The following PLEKHG4B variants were observed in gnomAD, a reference collection of about 807,000 sequenced individuals.
PLEKHG4B encodes pleckstrin homology and RhoGEF domain containing G4B.
In PLEKHG4B, 111 loss-of-function variants were observed where a neutral mutation model predicts 121.3. The ratio of observed to expected loss-of-function variants is 0.92; its 90% CI spans 0.78 to 1.07. The LOEUF is 1.07. PLEKHG4B is among the 50% of genes least tolerant of loss of function. The pLI is 0.00. For missense variants in PLEKHG4B, 1,831 were observed against 1,757.8 expected (o/e 1.04, Z -0.74); for synonymous variants, 738 against 725.0 (o/e 1.02, Z -0.29).
At chr5:99,209 T>C (rs1202126058) in intron 1 of PLEKHG4B, among the ~76,000 whole-genome samples, 7 of 113,410 alleles carry the variant, frequency 6.2e-5, no homozygotes, top group African/African-American at 2.2e-4. Context: ...TATATATATA[T>C]ATATTTTGCG....
chr5:157,204 G>A lies in PLEKHG4B; in HGVS notation c.2487+293G>A, dbSNP rs1735813664. The A allele has an allele frequency of 2.3e-6, 1 of 430,582 alleles. No homozygotes were observed. The highest frequency in any genetic ancestry group is 2.0e-5 in the African/African-American group (1 of 49,552). The allele number at this position is 430,582 out of a possible 1,614,324, so 26.7% of individuals were successfully genotyped here. On this transcript the variant is annotated intron_variant, in intron 11 of 19. Transcript: ENST00000637938. This position sits in a 1 kb window ranked among gnomAD's most constrained non-coding sequence, Gnocchi z 4.6. ...TCTGATGCTACCAGTGTGAATAGCT[G>A]GGTGTATCTTCCGGACGCTTTCTCC... is the stretch of plus-strand genomic sequence containing the variant.
At chr5:142,718 A>T (rs1290815305) in intron 3 of PLEKHG4B, among the ~76,000 whole-genome samples, 1 of 152,218 alleles carries the variant, frequency 6.6e-6, no homozygotes, top group Non-Finnish European at 1.5e-5. Flanking sequence ...ACGCGCAGTC[A>T]CACACCACAT....
rs1257827356 is a variant in PLEKHG4B, at chr5:185,903, G to C, written c.*3580G>C. The C allele has an allele frequency of 6.6e-6, 1 of 152,258 alleles. No individual in the cohort carries two copies. Among genetic ancestry groups the C allele is most frequent in the African/African-American group, 2.4e-5 (1 of 41,470 alleles). The allele number at this position is 152,258 out of a possible 1,614,324, so 9.4% of individuals were successfully genotyped here. ...CATGGAGCCTGGATGTGGGAATGGA[G>C]CCACACCAGCCCCACGGGAGCCCCA... On this transcript the variant is annotated 3_prime_UTR_variant, in exon 20 of 20. Coordinates refer to ENST00000637938, the MANE Select transcript of PLEKHG4B (RefSeq NM_052909.5).
chr5:104,167 G>GC (rs1196941239), intron 1 of PLEKHG4B, among the ~76,000 whole-genome samples: 6 of 132,446 alleles, frequency 4.5e-5, no homozygotes, highest in Admixed American at 7.5e-5. Flanking sequence ...AACAACCACA[G>GC]CCAGTCCCAG....
intron 2 of PLEKHG4B, among the ~76,000 whole-genome samples, chr5:128,077 C>T (rs534147874): frequency 6.6e-6 from 1 of 152,240 alleles, no homozygotes; most frequent in Admixed American, 6.5e-5. Flanking sequence ...CTTATGGTGG[C>T]TGCCCTTAGG....
At chr5:109,707 T>G (rs2126350390) in intron 1 of PLEKHG4B, among the ~76,000 whole-genome samples, 1 of 152,326 alleles carries the variant, frequency 6.6e-6, no homozygotes, top group East Asian at 1.9e-4. Context: ...AAATAAATCC[T>G]TCATTGAAGA....
intron 2 of PLEKHG4B, among the ~76,000 whole-genome samples, chr5:129,136 T>G (rs895255927): frequency 6.6e-6 from 1 of 152,184 alleles, no homozygotes; most frequent in African/African-American, 2.4e-5. Context: ...TGGAGGACAT[T>G]TGCATTCTGT....
chr5:181,635 G>A lies in PLEKHG4B; in HGVS notation c.4524G>A (p.Val1508=), dbSNP rs139195297. ...GCGACCGGGCTCCCAAATGTGCAGT[G>A]ATGAGCGACCGAGTCCCCGACAGCA... ...VISDRAPKCA[V]MSDRVPDSIV... is the part of the protein sequence containing the mutation. Residue 1508 remains valine, a synonymous_variant, in exon 19 of 20, where the codon GTG becomes GTA. Transcript: ENST00000637938. The A allele has an allele frequency of 3.5e-5, 56 of 1,613,872 alleles. No individual in the cohort carries two copies. The African/African-American group carries it at 6.3e-4, about 18-fold the overall frequency.
Position 101,799 on chromosome 5 carries a change from G to T in PLEKHG4B, c.45+9523G>T, listed in dbSNP as rs1271714012. On this transcript the variant is annotated intron_variant, in intron 1 of 19. Transcript: ENST00000637938. ...CCTGTAGGGGAGAGACTGTTGTGAGGTTAATCCATATAAAGCCCTGGAGAA... is the reference window on the plus strand; with the variant it reads ...CCTGTAGGGGAGAGACTGTTGTGAGTTTAATCCATATAAAGCCCTGGAGAA... Among the ~76,000 whole-genome samples the T allele has an allele frequency of 2.3e-5, 3 of 130,320 alleles. No homozygotes were observed. The East Asian group carries it at 6.3e-4, about 27-fold the overall frequency. The allele number at this position is 130,320 out of a possible 152,430, so 85.5% of individuals were successfully genotyped here.
In PLEKHG4B at chr5:140,319, G is replaced by A; in HGVS notation, c.1080G>A (p.Leu360=). 6.6e-7 allele frequency: 1 copy of A among 1,512,256 alleles called. No individual in the cohort carries two copies. Among genetic ancestry groups the A allele is most frequent in the Non-Finnish European group, 8.8e-7 (1 of 1,132,846 alleles). 93.7% of individuals were successfully genotyped at this position (1,512,256 alleles called of 1,614,324 possible). A position where few individuals can be genotyped will look rare whatever the true frequency, so the allele number is the denominator to read the frequency against. The change falls in exon 3 of 20, where the codon TTG becomes TTA. Residue 360 remains leucine, a synonymous_variant. Coordinates refer to ENST00000637938, the MANE Select transcript of PLEKHG4B (RefSeq NM_052909.5). ...TCAGGGAGTCGTACATGGAAGCCTT[G>A]CGGAACCCCATGCCCCTGGGCAGCT... ...RWFRESYMEA[L]RNPMPLGSSE...
chr5:109,981 C>T (rs1734089956), intron 1 of PLEKHG4B, among the ~76,000 whole-genome samples: 1 of 149,476 alleles, frequency 6.7e-6, no homozygotes, highest in South Asian at 2.1e-4. Context: ...ACCGGTTGCT[C>T]TGCAACACAC....
chr5:147,937 A>G (rs1735476673), intron 6 of PLEKHG4B, among the ~76,000 whole-genome samples: 1 of 152,336 alleles, frequency 6.6e-6, no homozygotes, highest in Non-Finnish European at 1.5e-5. Context: ...GGTTCGACAC[A>G]TGAAAACTGA....
In PLEKHG4B at chr5:159,023, C is replaced by A. The variant is rs113702484; in HGVS notation, c.2487+2112C>A. Among the ~76,000 whole-genome samples, 2 of 152,080 alleles carry A rather than the reference C, an allele frequency of 1.3e-5. No individual in the cohort carries two copies. Among genetic ancestry groups the A allele is most frequent in the African/African-American group, 4.8e-5 (2 of 41,382 alleles). On this transcript the variant is annotated intron_variant, in intron 11 of 19. Transcript: ENST00000637938. This position sits in a 1 kb window ranked among gnomAD's most constrained non-coding sequence, Gnocchi z 5.5. ...TCCCTTCGCCAGCTGGAAGGCCCTGCGCCTGTGCTTAGCTTCCATCCCACT... is the reference window on the plus strand; with the variant it reads ...TCCCTTCGCCAGCTGGAAGGCCCTGAGCCTGTGCTTAGCTTCCATCCCACT...
At chr5:151,872 T>A (rs1251440474) in intron 7 of PLEKHG4B, among the ~76,000 whole-genome samples, 1 of 152,222 alleles carries the variant, frequency 6.6e-6, no homozygotes, top group Non-Finnish European at 1.5e-5. Context: ...ATCTTCTTCA[T>A]TTGGCCTCAT....
intron 2 of PLEKHG4B, among the ~76,000 whole-genome samples, chr5:130,454 C>T (rs1002517624): frequency 6.6e-6 from 1 of 152,308 alleles, no homozygotes; most frequent in South Asian, 2.1e-4. Context: ...TTAACGCCCC[C>T]CCATGCCCTG....
chr5:93,397 G>A (rs759180690), intron 1 of PLEKHG4B, among the ~76,000 whole-genome samples: 5 of 152,040 alleles, frequency 3.3e-5, no homozygotes, highest in Non-Finnish European at 7.4e-5. Flanking sequence ...TGAGGAGGCC[G>A]CCGTCTCCGA....
chr5:169,034 C>G lies in PLEKHG4B; in HGVS notation c.3477-306C>G, dbSNP rs1579320363. On this transcript the variant is annotated intron_variant, in intron 13 of 19. Coordinates refer to ENST00000637938, the MANE Select transcript of PLEKHG4B (RefSeq NM_052909.5). The stretch of plus-strand genomic sequence containing the variant: ...GGGACTATAGGTGCCTGCCACTACC[C>G]CCAGCTAATTTTTGTATTTTGAGTA... The G allele has an allele frequency of 1.1e-5, 4 of 351,970 alleles. No homozygotes were observed. In the East Asian group the frequency reaches 2.9e-4, roughly 26 times the overall value. 21.8% of individuals were successfully genotyped at this position (351,970 alleles called of 1,614,324 possible).
At chr5:149,161 A>T (rs914073324) in intron 6 of PLEKHG4B, among the ~76,000 whole-genome samples, 1 of 152,244 alleles carries the variant, frequency 6.6e-6, no homozygotes, top group African/African-American at 2.4e-5. Flanking sequence ...TGGATTTGGC[A>T]ATGATTTATT....
At chr5:155,483 C>A in intron 9 of PLEKHG4B, 40 bp downstream of exon 9, 1 of 1,503,552 alleles carries the variant, frequency 6.7e-7, no homozygotes, top group Non-Finnish European at 9.3e-7. Flanking sequence ...TTTCATGTGA[C>A]AGGTAGGTGG....
Sources: gnomAD v4.1 joint callset for allele counts (sites outside exome capture counted in the v4.1 genomes callset) on GRCh38, gnomAD v4.1.1 for gene constraint, Gnocchi (gnomAD v3.1) non-coding constraint, MANE v1.5 for transcripts, NCBI Gene and HGNC (gene_info 2026-07-23, HGNC 2026-07-21) for gene names.